Variants in TMEM135 observed in about 807,000 individuals in gnomAD.
TMEM135 encodes peroxisomal membrane protein 52.
A neutral mutation model predicts 60.3 loss-of-function variants in TMEM135; 30 were observed. That is an observed-to-expected ratio of 0.50 (90% CI 0.37 to 0.68). The LOEUF (loss-of-function observed/expected upper bound fraction) is 0.68, where lower values mean the gene tolerates loss of function less well. Ranked by LOEUF, TMEM135 falls within the 30% of genes least tolerant of loss-of-function variation. TMEM135 has a pLI of 0.00. For missense variants in TMEM135, 468 were observed against 548.8 expected (o/e 0.85, Z 1.47); for synonymous variants, 190 against 186.7 (o/e 1.02, Z -0.14).
chr11:87,196,511 T>C (rs1270872301), intron 5 of TMEM135, among the ~76,000 whole-genome samples: 1 of 152,182 alleles, frequency 6.6e-6, no homozygotes, highest in Non-Finnish European at 1.5e-5. Context: ...AAAATTGTTG[T>C]CATTTTTCTA....
intron 8 of TMEM135, among the ~76,000 whole-genome samples, chr11:87,302,831 C>A (rs980770184): frequency 6.6e-6 from 1 of 152,052 alleles, no homozygotes; most frequent in African/African-American, 2.4e-5. Flanking sequence ...TAAGGGATAA[C>A]CCTTAAGTAA....
intron 6 of TMEM135, among the ~76,000 whole-genome samples, chr11:87,238,555 C>G (rs934299642): frequency 6.6e-6 from 1 of 151,966 alleles, no homozygotes; most frequent in African/African-American, 2.4e-5. Context: ...CTATTTATTA[C>G]TTTTACTGTA....
chr11:87,268,250 C>G (rs1941792137), intron 6 of TMEM135, among the ~76,000 whole-genome samples: 1 of 133,512 alleles, frequency 7.5e-6, no homozygotes, highest in Non-Finnish European at 1.6e-5. Flanking sequence ...CCTCACCACA[C>G]CTAGATATTT....
intron 5 of TMEM135, among the ~76,000 whole-genome samples, chr11:87,233,610 A>T (rs1940934230): frequency 6.6e-6 from 1 of 152,152 alleles, no homozygotes; most frequent in African/African-American, 2.4e-5. Context: ...ATTATACCTC[A>T]ATAAAGCTAT....
chr11:87,247,816 G>A (rs2135387205), intron 6 of TMEM135, among the ~76,000 whole-genome samples: 1 of 152,146 alleles, frequency 6.6e-6, no homozygotes, highest in South Asian at 2.1e-4. Context: ...CCCAAGTGAG[G>A]CAATGCCTCG....
At chr11:87,075,524 A>T (rs1262231332) in intron 3 of TMEM135, among the ~76,000 whole-genome samples, 5 of 152,162 alleles carry the variant, frequency 3.3e-5, no homozygotes, top group Non-Finnish European at 5.9e-5. Context: ...TCCTGAGCTC[A>T]AGTGATCCTC....
chr11:87,326,288 A>G lies in TMEM135; in HGVS notation c.*4955A>G, dbSNP rs1942911821. The G allele has an allele frequency of 4.4e-6, 2 of 454,040 alleles. No homozygotes were observed. The highest frequency in any genetic ancestry group is 8.8e-6 in the Non-Finnish European group (2 of 226,772). The allele number at this position is 454,040 out of a possible 1,614,324, so 28.1% of individuals were successfully genotyped here. On this transcript the variant is annotated 3_prime_UTR_variant, in exon 15 of 15. Transcript: ENST00000305494. ...CATCCCTTTCTGTCTTGAGAGATTCAGGCTTCCATAAAGTAGACCTGTAGA... is the reference window on the plus strand; with the variant it reads ...CATCCCTTTCTGTCTTGAGAGATTCGGGCTTCCATAAAGTAGACCTGTAGA...
Position 87,327,282 on chromosome 11 carries a change from TAGTC to T in TMEM135, c.*5953_*5956del. 1 of 454,068 alleles carries T rather than the reference TAGTC, an allele frequency of 2.2e-6. No individual in the cohort carries two copies. Among genetic ancestry groups the T allele is most frequent in the Non-Finnish European group, 4.4e-6 (1 of 226,782 alleles). 28.1% of individuals were successfully genotyped at this position (454,068 alleles called of 1,614,324 possible). On this transcript the variant is annotated 3_prime_UTR_variant, in exon 15 of 15. Transcript: ENST00000305494. ...TTTCTCTTGTTCAAGGTATTAGTAT[TAGTC>T]AGTAGGGTCTGAATCTGTGGCAGCA...
intron 4 of TMEM135, among the ~76,000 whole-genome samples, chr11:87,109,227 G>A (rs1359165938): frequency 6.6e-6 from 1 of 152,016 alleles, no homozygotes; most frequent in Non-Finnish European, 1.5e-5. Flanking sequence ...TTTATCTGCC[G>A]CTAAATACGT....
At chr11:87,050,968 T>C (rs1374987802) in intron 1 of TMEM135, among the ~76,000 whole-genome samples, 2 of 69,400 alleles carry the variant, frequency 2.9e-5, no homozygotes, top group African/African-American at 8.3e-5. Flanking sequence ...TTATCCACCA[T>C]GATCAAGTGG....
chr11:87,053,715 G>C (rs1949864352), intron 1 of TMEM135, among the ~76,000 whole-genome samples: 1 of 151,978 alleles, frequency 6.6e-6, no homozygotes, highest in Admixed American at 6.6e-5. Context: ...GATGATTAAT[G>C]GTCTTATAAT....
At chr11:87,260,397 A>C (rs1432524879) in intron 6 of TMEM135, among the ~76,000 whole-genome samples, 1 of 152,186 alleles carries the variant, frequency 6.6e-6, no homozygotes, top group East Asian at 1.9e-4. Flanking sequence ...CACTTTTGAA[A>C]ACCACCAGCA....
chr11:87,126,011 C>T (rs921988508), intron 4 of TMEM135, among the ~76,000 whole-genome samples: 1 of 152,074 alleles, frequency 6.6e-6, no homozygotes, highest in African/African-American at 2.4e-5. Flanking sequence ...CTCACTCACC[C>T]CTTCTTGTTT....
rs542993114 is a variant in TMEM135, at chr11:87,125,356, T to A, written c.397-31985T>A. Among the ~76,000 whole-genome samples, 19 of 152,102 alleles carry A rather than the reference T, an allele frequency of 1.2e-4. No homozygotes were observed. In the South Asian group the frequency reaches 4.0e-3, roughly 32 times the overall value. The stretch of plus-strand genomic sequence containing the variant: ...TAGAAAATAAGCAGGGTAAGAGTAG[T>A]TGTGGGGGAGTAGAGGTGCTTTTGG... On this transcript the variant is annotated intron_variant, in intron 4 of 14. Coordinates refer to ENST00000305494, the MANE Select transcript of TMEM135 (RefSeq NM_022918.4).
intron 5 of TMEM135, among the ~76,000 whole-genome samples, chr11:87,160,087 G>A (rs1938828709): frequency 6.6e-6 from 1 of 152,016 alleles, no homozygotes; most frequent in African/African-American, 2.4e-5. Context: ...AAGTGTATCA[G>A]GTAAGAGAAA....
chr11:87,136,373 C>A (rs535294750), intron 4 of TMEM135, among the ~76,000 whole-genome samples: 58 of 152,002 alleles, frequency 3.8e-4, no homozygotes, highest in African/African-American at 9.9e-4. Flanking sequence ...GTGTATTATT[C>A]TTCTTATATA....
chr11:87,301,238 T>TC (rs1288164821), intron 7 of TMEM135, among the ~76,000 whole-genome samples: 2 of 152,036 alleles, frequency 1.3e-5, no homozygotes, highest in Non-Finnish European at 2.9e-5. Context: ...ATTCTGTTTG[T>TC]CACAGGTCTC....
intron 6 of TMEM135, among the ~76,000 whole-genome samples, chr11:87,267,448 T>C (rs1591154098): frequency 6.6e-6 from 1 of 152,288 alleles, no homozygotes. Flanking sequence ...CACATGATTG[T>C]GGGGGCTTTA....
chr11:87,288,086 A>G (rs1237361987), intron 6 of TMEM135, among the ~76,000 whole-genome samples: 2 of 152,218 alleles, frequency 1.3e-5, no homozygotes, highest in African/African-American at 4.8e-5. Flanking sequence ...TCCAACTTCA[A>G]TAGGTAGTCC....
Sources: gnomAD v4.1 joint callset for allele counts (sites outside exome capture counted in the v4.1 genomes callset) on GRCh38, gnomAD v4.1.1 for gene constraint, MANE v1.5 for transcripts, NCBI Gene and HGNC (gene_info 2026-07-23, HGNC 2026-07-21) for gene names.